RAD54L: variants seen among roughly 807,000 people sequenced by gnomAD.
The protein encoded by RAD54L is RAD54 like.
Under a neutral mutation model 91.6 loss-of-function variants are expected in RAD54L, and 74 were observed. The ratio of observed to expected loss-of-function variants is 0.81; its 90% confidence interval spans 0.67 to 0.98. RAD54L has a LOEUF of 0.98. Among genes scored for constraint, RAD54L ranks in the 50% least tolerant of loss-of-function variants. The pLI is 0.00. For missense variants in RAD54L, 887 were observed against 945.7 expected, an observed-to-expected ratio of 0.94 and a Z score of 0.81; for synonymous variants, 304 against 349.7, an observed-to-expected ratio of 0.87 and a Z score of 1.46.
chr1:46,258,109 C>A (rs1261511754), intron 3 of RAD54L, among the ~76,000 whole-genome samples: 1 of 151,962 alleles, frequency 6.6e-6, no homozygotes, highest in African/African-American at 2.4e-5. Context: ...AACTCCCAGA[C>A]CTAAGTGATC....
chr1:46,270,744 A>C lies in RAD54L; in HGVS notation c.1128A>C (p.Leu376=). The C allele has an allele frequency of 6.2e-7, 1 of 1,614,232 alleles. No individual in the cohort carries two copies. Among genetic ancestry groups the C allele is most frequent in the Non-Finnish European group, 8.5e-7 (1 of 1,180,022 alleles). ...DAAASEADRQ[L]GEERLRELTS... The stretch of plus-strand genomic sequence containing the variant: ...CTGCTAGTGAGGCAGACAGGCAGCT[A>C]GGAGAGGAGCGGCTGCGGGAGCTCA... Residue 376 remains leucine (L), a synonymous_variant, in exon 10 of 18, where the codon CTA becomes CTC. Coordinates refer to ENST00000371975, the MANE Select transcript of RAD54L (RefSeq NM_003579.4).
At chr1:46,250,241 G>A (rs1659761127) in intron 3 of RAD54L, 122 bp downstream of exon 3, 2 of 1,403,558 alleles carry the variant, frequency 1.4e-6, no homozygotes, top group South Asian at 1.2e-5. Flanking sequence ...ACATCTGTAG[G>A]GGCTTTGGAC....
rs965263957 is a variant in RAD54L at position 46,256,271 on chromosome 1, G to T, written c.211-2415G>T. Among the ~76,000 whole-genome samples, 3 of 152,096 alleles carry T rather than the reference G, an allele frequency of 2.0e-5. No homozygotes were observed. In the South Asian group the frequency reaches 6.2e-4, roughly 32 times the overall value. Reference sequence around the variant, plus strand: ...TTTTGTGTACGGGGTGTGTGGGGGGGTCTCACTACGTTGCCTAGGGTGGTC... The same window carrying T: ...TTTTGTGTACGGGGTGTGTGGGGGGTTCTCACTACGTTGCCTAGGGTGGTC... On this transcript the variant is annotated intron_variant, in intron 3 of 17. Coordinates refer to ENST00000371975, the MANE Select transcript of RAD54L (RefSeq NM_003579.4).
chr1:46,255,915 C>T (rs1286329732), intron 3 of RAD54L, among the ~76,000 whole-genome samples: 1 of 152,144 alleles, frequency 6.6e-6, no homozygotes, highest in Non-Finnish European at 1.5e-5. Flanking sequence ...TTCCTGTGTT[C>T]TATTGAAAGT....
At chr1:46,252,257 A>C (rs1236168075) in intron 3 of RAD54L, among the ~76,000 whole-genome samples, 1 of 152,120 alleles carries the variant, frequency 6.6e-6, no homozygotes, top group Non-Finnish European at 1.5e-5. Context: ...TGCAGTGGCT[A>C]AGAGTGGAAG....
At chr1:46,270,533 C>T in intron 9 of RAD54L, 126 bp from the exon 10 acceptor site, 1 of 1,279,130 alleles carries the variant, frequency 7.8e-7, no homozygotes. Flanking sequence ...AGAAATTGGC[C>T]TATATTTTGT....
intron 16 of RAD54L, 44 bp downstream of exon 16, chr1:46,274,761 C>A: frequency 2.5e-6 from 4 of 1,609,792 alleles, no homozygotes; most frequent in Non-Finnish European, 3.4e-6. Flanking sequence ...GGTCATGGAA[C>A]GAGATCTTCA....
intron 8 of RAD54L, among the ~76,000 whole-genome samples, chr1:46,264,910 G>A (rs1268014847): frequency 6.6e-6 from 1 of 152,176 alleles, no homozygotes; most frequent in East Asian, 1.9e-4. Flanking sequence ...TAGGGAGCTG[G>A]GGTTGGCTTT....
intron 3 of RAD54L, 74 bp from the exon 4 acceptor site, chr1:46,258,612 T>A: frequency 1.8e-6 from 2 of 1,134,806 alleles, no homozygotes; most frequent in Non-Finnish European, 2.7e-6. Flanking sequence ...CAAAACCTAA[T>A]GTGAAGCATA....
intron 16 of RAD54L, among the ~76,000 whole-genome samples, chr1:46,276,453 A>C (rs1660605379): frequency 6.6e-6 from 1 of 152,094 alleles, no homozygotes; most frequent in South Asian, 2.1e-4. Context: ...GAGCCACCAC[A>C]CCTGGCTCCC....
chr1:46,248,718 T>C, intron 2 of RAD54L, 120 bp downstream of exon 2: 1 of 831,684 alleles, frequency 1.2e-6, no homozygotes, highest in Middle Eastern at 2.8e-4. Flanking sequence ...TTCAATAAAC[T>C]TTTAGTGAGT....
At chr1:46,249,124 A>G (rs1326707785) in intron 2 of RAD54L, among the ~76,000 whole-genome samples, 1 of 152,166 alleles carries the variant, frequency 6.6e-6, no homozygotes, top group Non-Finnish European at 1.5e-5. Flanking sequence ...GGACCTATGT[A>G]AACCAAAATA....
intron 4 of RAD54L, 118 bp from the exon 5 acceptor site, chr1:46,259,846 A>G (rs2148286768): frequency 7.4e-7 from 1 of 1,356,742 alleles, no homozygotes; most frequent in East Asian, 2.3e-5. Flanking sequence ...AGGCATTCTC[A>G]GAGAGAGAGG....
At chr1:46,253,510 A>C (rs143586412) in intron 3 of RAD54L, among the ~76,000 whole-genome samples, 219 of 151,758 alleles carry the variant, frequency 1.4e-3, no homozygotes, top group Middle Eastern at 6.8e-3. Context: ...AGTCCTAGCT[A>C]CTCGAGAGGC....
At chr1:46,270,351 A>T (rs892276635) in intron 9 of RAD54L, among the ~76,000 whole-genome samples, 3 of 150,928 alleles carry the variant, frequency 2.0e-5, no homozygotes, top group African/African-American at 7.3e-5. Flanking sequence ...ACAGAGCAAG[A>T]CTCCATTGCA....
In RAD54L at chr1:46,263,446, G is replaced by C. The variant is rs1189562233; in HGVS notation, c.891+2061G>C. The stretch of plus-strand genomic sequence containing the variant: ...ACTTGGCCCTATCTGTCAACCAGTT[G>C]TCAGGCTAGGCTCAGCTCTGGGTAC... On this transcript the variant is annotated intron_variant, in intron 8 of 17. Transcript: ENST00000371975. The surrounding 1 kb of genome is among the most constrained non-coding windows in gnomAD (Gnocchi z 4.3). Among the ~76,000 whole-genome samples, 1 of 152,202 alleles carries C rather than the reference G, an allele frequency of 6.6e-6. No homozygotes were observed. The highest frequency in any genetic ancestry group is 1.5e-5 in the Non-Finnish European group (1 of 68,034).
intron 14 of RAD54L, 88 bp downstream of exon 14, chr1:46,273,835 A>G: frequency 6.6e-7 from 1 of 1,524,314 alleles, no homozygotes. Context: ...GTGGGCCAAG[A>G]TCTGGGCACA....
In RAD54L at chr1:46,268,311, C is replaced by T. The variant is rs72901057; in HGVS notation, c.1042+702C>T. On this transcript the variant is annotated intron_variant, in intron 9 of 17. Coordinates refer to ENST00000371975, the MANE Select transcript of RAD54L (RefSeq NM_003579.4). ...CTAGCCTGGGCAACAGAGCAAGGCC[C>T]TGTCTCTAAAATAGTAATAATAATC... 8.2e-3 allele frequency among the ~76,000 whole-genome samples: 1,251 copies of T among 152,232 alleles called. 19 individuals carry two copies. Among genetic ancestry groups the T allele is most frequent in the Middle Eastern group, 0.037 (11 of 294 alleles).
chr1:46,268,711 G>T (rs1202981679), intron 9 of RAD54L, among the ~76,000 whole-genome samples: 1 of 152,180 alleles, frequency 6.6e-6, no homozygotes, highest in Non-Finnish European at 1.5e-5. Flanking sequence ...GCAGTAGTTT[G>T]TTCATTTTCA....
Sources: allele counts gnomAD v4.1 joint callset (sites outside exome capture counted in the v4.1 genomes callset), GRCh38; gene constraint gnomAD v4.1.1; non-coding constraint Gnocchi (gnomAD v3.1); transcripts MANE v1.5; gene names NCBI Gene and HGNC (gene_info 2026-07-23, HGNC 2026-07-21).